HPSE2: variants seen among roughly 807,000 people sequenced by gnomAD.
HPSE2 encodes heparanase 2 (inactive).
A neutral mutation model predicts 60.5 loss-of-function variants in HPSE2; 38 were observed. The observed-to-expected ratio is 0.63, with a 90% CI of 0.48 to 0.82. The LOEUF (loss-of-function observed/expected upper bound fraction) is 0.82, where lower values mean the gene tolerates loss of function less well. Ranked by LOEUF, HPSE2 falls within the 40% of genes least tolerant of loss-of-function variation. The pLI, the probability that HPSE2 is intolerant of heterozygous loss-of-function variation, is 0.00. For synonymous variants in HPSE2, 295 were observed against 293.2 expected (o/e 1.01, Z -0.06); for missense variants, 713 against 740.4 (o/e 0.96, Z 0.43).
chr10:98,685,450 A>T (rs1238117650), intron 6 of HPSE2, among the ~76,000 whole-genome samples: 1 of 152,176 alleles, frequency 6.6e-6, no homozygotes, highest in Non-Finnish European at 1.5e-5. Context: ...GACACTCACT[A>T]AAGCAATGCA....
In HPSE2 at chr10:98,642,003, T is replaced by C. The variant is rs1238458110; in HGVS notation, c.1005-63A>G. ...AAGCAAGGGATTATAAATACACTTC[T>C]CTAGCCCAAGGTCTCTGTTGCCCGA... On this transcript the variant is annotated intron_variant, in intron 6 of 11. Coordinates refer to ENST00000370552, the MANE Select transcript of HPSE2 (RefSeq NM_021828.5). 9.4e-6 allele frequency: 13 copies of C among 1,375,712 alleles called. No homozygotes were observed. In the Admixed American group the frequency reaches 2.2e-4, roughly 23 times the overall value. 85.2% of individuals were successfully genotyped at this position (1,375,712 alleles called of 1,614,324 possible). A position where few individuals can be genotyped will look rare whatever the true frequency, so the allele number is the denominator to read the frequency against.
chr10:99,163,571 C>A (rs1414223465), intron 2 of HPSE2, among the ~76,000 whole-genome samples: 2 of 152,092 alleles, frequency 1.3e-5, no homozygotes, highest in African/African-American at 4.8e-5. Flanking sequence ...TTTATACAAC[C>A]AAGGGAAATT....
At chr10:98,854,352 C>T (rs1314629668) in intron 3 of HPSE2, among the ~76,000 whole-genome samples, 2 of 152,118 alleles carry the variant, frequency 1.3e-5, no homozygotes, top group African/African-American at 2.4e-5. Flanking sequence ...AGACTGAAAT[C>T]TGTTTTGTTT....
At chr10:98,610,216 G>A (rs1180741501) in intron 9 of HPSE2, among the ~76,000 whole-genome samples, 1 of 152,150 alleles carries the variant, frequency 6.6e-6, no homozygotes, top group East Asian at 1.9e-4. Flanking sequence ...TCTACACAGG[G>A]AGAGATTTAA....
intron 2 of HPSE2, among the ~76,000 whole-genome samples, chr10:99,220,571 G>A (rs111890983): frequency 0.027 from 4,171 of 152,176 alleles, 189 homozygotes; most frequent in African/African-American, 0.095. Flanking sequence ...TTGGGAAGCC[G>A]AGGTGGGCGG....
intron 2 of HPSE2, among the ~76,000 whole-genome samples, chr10:99,213,855 T>C (rs1214904699): frequency 6.6e-6 from 1 of 152,096 alleles, no homozygotes; most frequent in Non-Finnish European, 1.5e-5. Context: ...GAAAATTAAA[T>C]GAGATAATTA....
intron 9 of HPSE2, among the ~76,000 whole-genome samples, chr10:98,537,121 G>A (rs1232110201): frequency 6.6e-6 from 1 of 152,210 alleles, no homozygotes; most frequent in African/African-American, 2.4e-5. Context: ...GAAGGAGTAA[G>A]TTAAGTTTCT....
At chr10:98,466,610 CAAAAAAA>C (rs397965207) in intron 11 of HPSE2, among the ~76,000 whole-genome samples, 2 of 78,980 alleles carry the variant, frequency 2.5e-5, no homozygotes, top group Non-Finnish European at 5.8e-5. Context: ...GACTCCGTCT[CAAAAAAA>C]AAAAAAAAAA....
intron 3 of HPSE2, among the ~76,000 whole-genome samples, chr10:99,087,964 C>A (rs928458221): frequency 2.0e-5 from 3 of 151,592 alleles, no homozygotes; most frequent in East Asian, 1.9e-4. Context: ...CTGAACCCCC[C>A]CTTCTCATTA....
chr10:98,679,068 G>A (rs1346507248), intron 6 of HPSE2, among the ~76,000 whole-genome samples: 1 of 152,174 alleles, frequency 6.6e-6, no homozygotes, highest in Non-Finnish European at 1.5e-5. Flanking sequence ...ACCAGAGAAA[G>A]TTGAATTATA....
At chr10:98,953,580 A>C (rs1955428108) in intron 3 of HPSE2, among the ~76,000 whole-genome samples, 1 of 152,126 alleles carries the variant, frequency 6.6e-6, no homozygotes, top group Admixed American at 6.5e-5. Context: ...CTAGGTTCAG[A>C]GTACACGCTC....
chr10:99,225,681 G>A (rs1186544059), intron 2 of HPSE2, among the ~76,000 whole-genome samples: 2 of 152,042 alleles, frequency 1.3e-5, no homozygotes, highest in Admixed American at 6.6e-5. Flanking sequence ...GGGAAGATGG[G>A]AGAGAGCAAG....
intron 3 of HPSE2, among the ~76,000 whole-genome samples, chr10:98,753,713 C>A (rs984470934): frequency 6.6e-6 from 1 of 152,136 alleles, no homozygotes; most frequent in African/African-American, 2.4e-5. Flanking sequence ...TACCAGCCCC[C>A]CAGGGTTAGA....
intron 9 of HPSE2, among the ~76,000 whole-genome samples, chr10:98,492,485 G>T (rs182109432): frequency 3.0e-4 from 35 of 116,566 alleles, no homozygotes; most frequent in Admixed American, 5.9e-4. Context: ...CTGGGCAACA[G>T]AACGAGATTC....
chr10:99,152,832 T>C (rs1282266473), intron 2 of HPSE2, among the ~76,000 whole-genome samples: 1 of 152,228 alleles, frequency 6.6e-6, no homozygotes, highest in Non-Finnish European at 1.5e-5. Flanking sequence ...CATTTCCATC[T>C]GAGGTACCGG....
Position 99,133,275 on chromosome 10 carries a change from C to G in HPSE2, c.610+10963G>C, listed in dbSNP as rs867470471. On this transcript the variant is annotated intron_variant, in intron 3 of 11. Transcript: ENST00000370552. Reference sequence around the variant, plus strand: ...AGATAAAACCCCCATCTCCCTGGGACAGAGCACCTGGGGAAAGGGGCAGCT... The same window carrying G: ...AGATAAAACCCCCATCTCCCTGGGAGAGAGCACCTGGGGAAAGGGGCAGCT... Among the ~76,000 whole-genome samples, 5 of 152,312 alleles carry G rather than the reference C, an allele frequency of 3.3e-5. No homozygotes were observed. The South Asian group carries it at 1.0e-3, about 32-fold the overall frequency.
the HPSE2 span, among the ~76,000 whole-genome samples, chr10:99,308,387 A>AAAAAAAAAAAAAAAAAAAAG: frequency 1.4e-5 from 2 of 146,918 alleles, no homozygotes; most frequent in Admixed American, 6.9e-5. Context: ...CTCAAAAAAA[A>AAAAAAAAAAAAAAAAAAAAG]AAAAAAAAAG....
At chr10:99,209,033 G>A (rs1406663051) in intron 2 of HPSE2, among the ~76,000 whole-genome samples, 1 of 152,150 alleles carries the variant, frequency 6.6e-6, no homozygotes, top group East Asian at 1.9e-4. Context: ...GGGAGTGATA[G>A]ACAAATACAA....
intron 3 of HPSE2, among the ~76,000 whole-genome samples, chr10:98,821,970 A>G (rs1194262622): frequency 6.6e-6 from 1 of 152,176 alleles, no homozygotes; most frequent in East Asian, 1.9e-4. Context: ...TCATATAAAA[A>G]ATCATATTGA....
Sources: allele counts gnomAD v4.1 joint callset (sites outside exome capture counted in the v4.1 genomes callset), GRCh38; gene constraint gnomAD v4.1.1; transcripts MANE v1.5; gene names NCBI Gene and HGNC (gene_info 2026-07-23, HGNC 2026-07-21).